ATE1: variants seen among roughly 807,000 people sequenced by gnomAD.
ATE1 encodes the protein arginyltransferase 1, also known as arginyl-tRNA--protein transferase 1.
A neutral mutation model predicts 70.5 loss-of-function variants in ATE1; 36 were observed. That is an observed-to-expected ratio of 0.51 (90% CI 0.39 to 0.67). The LOEUF (loss-of-function observed/expected upper bound fraction) is 0.67. Ranked by LOEUF, ATE1 falls within the 30% of genes least tolerant of loss-of-function variation. The pLI, the probability that ATE1 is intolerant of heterozygous loss-of-function variation, is 0.00. For missense variants in ATE1, 593 were observed against 629.5 expected, an observed-to-expected ratio of 0.94 and a Z score of 0.62; for synonymous variants, 232 against 219.3, an observed-to-expected ratio of 1.06 and a Z score of -0.51.
In ATE1 at chr10:121,841,206, A is replaced by G. The variant is rs1315425840; in HGVS notation, c.1033T>C (p.Trp345Arg). The stretch of plus-strand genomic sequence containing the variant: ...ACAGCAATGATCTTTCCGTCAAGCC[A>G]GTACTGCTGGTGAAAGGAGCCATAG... ...CGYGSFHQQY[W>R]LDGKIIAVGV... Residue 345 changes from tryptophan (W) to arginine (R), a missense_variant, in exon 9 of 12, where the codon TGG becomes CGG. This residue lies in a region of ATE1 where 467 missense variants were observed against 469.6 expected (regional missense o/e 0.99). Coordinates refer to ENST00000224652, the MANE Select transcript of ATE1 (RefSeq NM_001001976.3). 2 of 1,579,690 alleles carry G rather than the reference A, an allele frequency of 1.3e-6. No individual in the cohort carries two copies. Among genetic ancestry groups the G allele is most frequent in the East Asian group, 2.3e-5 (1 of 44,104 alleles).
chr10:121,775,399 G>C (rs1429787625), intron 11 of ATE1, among the ~76,000 whole-genome samples: 2 of 152,028 alleles, frequency 1.3e-5, no homozygotes, highest in African/African-American at 4.8e-5. Context: ...GGGTCGATAG[G>C]TGCAGCAAAC....
chr10:121,829,181 T>C (rs1210260408), intron 10 of ATE1, among the ~76,000 whole-genome samples: 1 of 152,046 alleles, frequency 6.6e-6, no homozygotes, highest in African/African-American at 2.4e-5. Context: ...TCCCAGCACT[T>C]TGGGAGGCCG....
At chr10:121,783,962 T>C (rs980465432) in intron 11 of ATE1, among the ~76,000 whole-genome samples, 17 of 152,174 alleles carry the variant, frequency 1.1e-4, no homozygotes, top group African/African-American at 3.1e-4. Flanking sequence ...CACAGCTCAC[T>C]GTAAACTCCA....
chr10:121,812,423 G>T (rs895088206), intron 10 of ATE1, among the ~76,000 whole-genome samples: 5 of 152,142 alleles, frequency 3.3e-5, no homozygotes, highest in African/African-American at 9.6e-5. Context: ...GAAATGGGGG[G>T]TGGGGAGAAG....
At chr10:121,863,146 T>C (rs1445292808) in intron 8 of ATE1, among the ~76,000 whole-genome samples, 2 of 152,160 alleles carry the variant, frequency 1.3e-5, no homozygotes, top group Non-Finnish European at 2.9e-5. Context: ...ATCTTGAGGC[T>C]CTATTAAGTG....
intron 10 of ATE1, among the ~76,000 whole-genome samples, chr10:121,835,937 T>G (rs936555177): frequency 1.3e-5 from 2 of 152,152 alleles, no homozygotes; most frequent in African/African-American, 2.4e-5. Flanking sequence ...TGTGGACATA[T>G]GTATATTTTC....
At chr10:121,788,965 C>T (rs535949458) in intron 11 of ATE1, among the ~76,000 whole-genome samples, 1 of 152,280 alleles carries the variant, frequency 6.6e-6, no homozygotes, top group South Asian at 2.1e-4. Context: ...GTGAGTGGTA[C>T]TTAGACTACA....
intron 7 of ATE1, among the ~76,000 whole-genome samples, chr10:121,890,365 A>C (rs1406127794): frequency 6.6e-6 from 1 of 152,214 alleles, no homozygotes; most frequent in African/African-American, 2.4e-5. Context: ...CATTGTTTGA[A>C]CATGTATGCT....
chr10:121,762,242 T>G (rs1253750971), intron 11 of ATE1, among the ~76,000 whole-genome samples: 1 of 152,254 alleles, frequency 6.6e-6, no homozygotes, highest in Admixed American at 6.5e-5. Flanking sequence ...GACTTCTCCC[T>G]TCTTTACCTA....
intron 10 of ATE1, among the ~76,000 whole-genome samples, chr10:121,833,687 G>A (rs890513129): frequency 2.6e-5 from 4 of 152,114 alleles, no homozygotes; most frequent in Non-Finnish European, 5.9e-5. Context: ...TCAAGTGGGG[G>A]TAAAAATGGG....
At chr10:121,799,680 T>C (rs1476882238) in intron 10 of ATE1, among the ~76,000 whole-genome samples, 3 of 152,228 alleles carry the variant, frequency 2.0e-5, no homozygotes, top group Admixed American at 6.5e-5. Flanking sequence ...AGTAACTCCA[T>C]CTTCTCTCTG....
At position 121,745,445 on chromosome 10, in the gene ATE1, A is replaced by G. The variant is rs143531707; in HGVS notation, c.1379-1587T>C. Among the ~76,000 whole-genome samples, 678 of 152,300 alleles carry G rather than the reference A, an allele frequency of 4.5e-3. 1 individual carries two copies. Among genetic ancestry groups the G allele is most frequent in the African/African-American group, 8.5e-3 (354 of 41,568 alleles). ...GGGTTAAGAACCACAGGCGGGGTGCAGTGGCTCACGCCTGTAATCCCAGCA... is the reference window on the plus strand; with the variant it reads ...GGGTTAAGAACCACAGGCGGGGTGCGGTGGCTCACGCCTGTAATCCCAGCA... On this transcript the variant is annotated intron_variant, in intron 11 of 11. Coordinates refer to ENST00000224652, the MANE Select transcript of ATE1 (RefSeq NM_001001976.3).
At chr10:121,832,951 T>C (rs898744988) in intron 10 of ATE1, among the ~76,000 whole-genome samples, 2 of 152,178 alleles carry the variant, frequency 1.3e-5, no homozygotes, top group African/African-American at 2.4e-5. Flanking sequence ...TTTATCAGTA[T>C]ACAAACAGAG....
chr10:121,921,863 A>G (rs1471661736), intron 3 of ATE1, among the ~76,000 whole-genome samples: 1 of 152,098 alleles, frequency 6.6e-6, no homozygotes, highest in Non-Finnish European at 1.5e-5. Flanking sequence ...GCACTCAATA[A>G]AGTTTCTCCT....
chr10:121,814,656 T>C (rs1374344809), intron 10 of ATE1, among the ~76,000 whole-genome samples: 3 of 151,942 alleles, frequency 2.0e-5, no homozygotes, highest in Non-Finnish European at 4.4e-5. Flanking sequence ...TAAGAACAAA[T>C]AGAACAGATA....
chr10:121,905,723 T>C (rs1181284490), intron 5 of ATE1, among the ~76,000 whole-genome samples: 1 of 152,120 alleles, frequency 6.6e-6, no homozygotes, highest in Non-Finnish European at 1.5e-5. Flanking sequence ...CGTGCACCTG[T>C]AGTCCCAGCT....
At chr10:121,823,301 AAAAC>A (rs1947875554) in intron 10 of ATE1, among the ~76,000 whole-genome samples, 1 of 151,994 alleles carries the variant, frequency 6.6e-6, no homozygotes, top group African/African-American at 2.4e-5. Context: ...AAAAAAAACA[AAAAC>A]AAAACAAAAC....
At position 121,911,164 on chromosome 10, in the gene ATE1, A is replaced by C. The variant is rs1470087134; in HGVS notation, c.338-13T>G. 2 of 1,599,826 alleles carry C rather than the reference A, an allele frequency of 1.3e-6. No homozygotes were observed. The highest frequency in any genetic ancestry group is 3.6e-5 in the Admixed American group (2 of 54,932). The stretch of plus-strand genomic sequence containing the variant: ...TCCATGGGCTCATCTACAAATCAGA[A>C]GAAATTAAAAATCCATCAGCTGGGT... On this transcript the variant is annotated splice_polypyrimidine_tract_variant and intron_variant, in intron 4 of 11. Coordinates refer to ENST00000224652, the MANE Select transcript of ATE1 (RefSeq NM_001001976.3).
rs536309373 is a variant in ATE1, at chr10:121,845,558, C to T, written c.976-4295G>A. ...ACCTAAGCAACTCTGGAAATGAAAG[C>T]GGTTTCTAAGAATGAAGGTAACAGG... On this transcript the variant is annotated intron_variant, in intron 8 of 11. Coordinates refer to ENST00000224652, the MANE Select transcript of ATE1 (RefSeq NM_001001976.3). Among the ~76,000 whole-genome samples the T allele has an allele frequency of 9.9e-5, 15 of 152,202 alleles. No individual in the cohort carries two copies. In the South Asian group the frequency reaches 2.1e-3, roughly 21 times the overall value.
Sources: allele counts gnomAD v4.1 joint callset (sites outside exome capture counted in the v4.1 genomes callset), GRCh38; gene constraint gnomAD v4.1.1; regional missense constraint gnomAD v4.1.1; transcripts MANE v1.5; gene names NCBI Gene and HGNC (gene_info 2026-07-23, HGNC 2026-07-21).